Variants in SPAG17 observed in about 807,000 individuals in gnomAD.
SPAG17 encodes sperm associated antigen 17.
SPAG17 carries 169 observed loss-of-function variants against 273.6 expected under a neutral mutation model. The observed-to-expected ratio is 0.62, with a 90% CI of 0.55 to 0.70. The LOEUF is 0.70. Among genes scored for constraint, SPAG17 ranks in the 30% least tolerant of loss-of-function variants. SPAG17 has a pLI of 0.00. For synonymous variants in SPAG17, 825 were observed against 873.2 expected, an observed-to-expected ratio of 0.94 and a Z score of 0.97; for missense variants, 2,557 against 2,627.8, an observed-to-expected ratio of 0.97 and a Z score of 0.59.
intron 32 of SPAG17, among the ~76,000 whole-genome samples, chr1:118,000,991 G>C (rs1329297390): frequency 1.3e-5 from 2 of 152,076 alleles, no homozygotes; most frequent in Non-Finnish European, 2.9e-5. Flanking sequence ...TTTGAGATAC[G>C]TTCCATTGAT....
intron 3 of SPAG17, among the ~76,000 whole-genome samples, chr1:118,146,811 C>T (rs1163989162): frequency 6.6e-6 from 1 of 152,196 alleles, no homozygotes; most frequent in Non-Finnish European, 1.5e-5. Context: ...TCTATGCCTC[C>T]ATTTCCCCGT....
intron 10 of SPAG17, among the ~76,000 whole-genome samples, chr1:118,090,011 T>C (rs1323885895): frequency 2.0e-5 from 3 of 152,164 alleles, no homozygotes; most frequent in Admixed American, 2.0e-4. Context: ...CTGAGGTCTC[T>C]CCAGCCATGC....
chr1:118,129,698 C>T (rs1657945319), intron 3 of SPAG17, among the ~76,000 whole-genome samples: 2 of 150,572 alleles, frequency 1.3e-5, no homozygotes, highest in Middle Eastern at 3.5e-3. Flanking sequence ...TCTTCCTCTT[C>T]CCTTCTTTCT....
At chr1:118,166,456 A>C (rs1660174809) in intron 1 of SPAG17, among the ~76,000 whole-genome samples, 1 of 152,228 alleles carries the variant, frequency 6.6e-6, no homozygotes, top group African/African-American at 2.4e-5. Context: ...GGATCCCTGG[A>C]AATCATCCAT....
intron 3 of SPAG17, among the ~76,000 whole-genome samples, chr1:118,116,522 G>A (rs948676150): frequency 2.0e-5 from 3 of 152,100 alleles, no homozygotes; most frequent in African/African-American, 4.8e-5. Flanking sequence ...TGCATCTCAC[G>A]GAGCTGTGTC....
At chr1:118,139,366 A>G (rs963227815) in intron 3 of SPAG17, among the ~76,000 whole-genome samples, 1 of 152,188 alleles carries the variant, frequency 6.6e-6, no homozygotes, top group Non-Finnish European at 1.5e-5. Context: ...ATTGGCAAGA[A>G]TATAAGTTAC....
intron 5 of SPAG17, among the ~76,000 whole-genome samples, chr1:118,100,524 C>T (rs1655996490): frequency 6.6e-6 from 1 of 152,084 alleles, no homozygotes; most frequent in African/African-American, 2.4e-5. Context: ...CACAAAAGCC[C>T]ATTAAGATCA....
intron 20 of SPAG17, among the ~76,000 whole-genome samples, chr1:118,047,163 A>G (rs949466394): frequency 3.3e-5 from 5 of 152,260 alleles, no homozygotes; most frequent in African/African-American, 9.6e-5. Context: ...ATTTTTTTCA[A>G]TGCTGATCTT....
chr1:118,134,702 A>C (rs1196591755), intron 3 of SPAG17, among the ~76,000 whole-genome samples: 1 of 152,060 alleles, frequency 6.6e-6, no homozygotes, highest in Non-Finnish European at 1.5e-5. Context: ...GCCCTTTATG[A>C]TTTGTCCTTG....
intron 20 of SPAG17, among the ~76,000 whole-genome samples, chr1:118,049,715 AC>A (rs1381557864): frequency 1.3e-5 from 2 of 152,204 alleles, no homozygotes; most frequent in Non-Finnish European, 2.9e-5. Context: ...CTAATTGCCA[AC>A]ACAATCTTGA....
At chr1:118,025,031 T>A (rs12143179) in intron 27 of SPAG17, among the ~76,000 whole-genome samples, 1 of 152,320 alleles carries the variant, frequency 6.6e-6, no homozygotes, top group South Asian at 2.1e-4. Flanking sequence ...TCTTACATCA[T>A]GCAGAGAAAT....
At chr1:117,954,502 C>T in intron 48 of SPAG17, 1 of 1,361,094 alleles carries the variant, frequency 7.3e-7, no homozygotes, top group Non-Finnish European at 1.0e-6. Flanking sequence ...TTATAAAATA[C>T]AGTTACCACT....
intron 20 of SPAG17, among the ~76,000 whole-genome samples, chr1:118,048,619 C>T (rs530248752): frequency 7.9e-5 from 12 of 152,198 alleles, no homozygotes; most frequent in Middle Eastern, 6.8e-3. Context: ...AAGGATCAGC[C>T]GGGCGCAGTG....
Position 117,953,660 on chromosome 1 carries a change from A to C in SPAG17, c.*390T>G. ...TTGGCAAAAAGTTGATGAGATTTAA[A>C]GATGGGGATTATAACCTGTTTCCTT... is the stretch of plus-strand genomic sequence containing the variant. On this transcript the variant is annotated 3_prime_UTR_variant, in exon 49 of 49. Coordinates refer to ENST00000336338, the MANE Select transcript of SPAG17 (RefSeq NM_206996.4). 1.1e-6 allele frequency: 1 copy of C among 912,076 alleles called. No individual in the cohort carries two copies. The highest frequency in any genetic ancestry group is 1.7e-6 in the Non-Finnish European group (1 of 599,896). 56.5% of individuals were successfully genotyped at this position (912,076 alleles called of 1,614,324 possible). A position where few individuals can be genotyped will look rare whatever the true frequency, so the allele number is the denominator to read the frequency against.
chr1:118,021,384 C>G (rs993156193), intron 28 of SPAG17, among the ~76,000 whole-genome samples: 1 of 151,996 alleles, frequency 6.6e-6, no homozygotes, highest in African/African-American at 2.4e-5. Flanking sequence ...GTCAGTGGTT[C>G]CCAGGTGTTT....
intron 43 of SPAG17, among the ~76,000 whole-genome samples, chr1:117,979,574 G>C (rs1655533576): frequency 6.6e-6 from 1 of 152,038 alleles, no homozygotes. Flanking sequence ...TATCCTCACA[G>C]AGTGATCTTT....
At chr1:117,970,290 A>C (rs1459316755) in intron 45 of SPAG17, among the ~76,000 whole-genome samples, 174 bp from the exon 46 acceptor site, 3 of 152,232 alleles carry the variant, frequency 2.0e-5, no homozygotes, top group African/African-American at 7.2e-5. Flanking sequence ...TCTGGGGCCC[A>C]TTTCACAACT....
intron 7 of SPAG17, among the ~76,000 whole-genome samples, chr1:118,094,137 A>C (rs1032165759): frequency 6.6e-6 from 1 of 152,308 alleles, no homozygotes; most frequent in Middle Eastern, 3.4e-3. Context: ...ACTATGGTGC[A>C]CCTGGTTGCT....
In SPAG17 at chr1:118,164,319, A is replaced by C. The variant is rs150987025; in HGVS notation, c.88-12950T>G. Among the ~76,000 whole-genome samples the C allele has an allele frequency of 2.1e-3, 317 of 152,266 alleles. 3 individuals carry two copies. Among genetic ancestry groups the C allele is most frequent in the African/African-American group, 7.1e-3 (293 of 41,550 alleles). On this transcript the variant is annotated intron_variant, in intron 1 of 48. Transcript: ENST00000336338. ...CATGTCTAAAAACTGAGCTCTTCATATCTCTCCAAACCCTAACATAACAAA... is the reference window on the plus strand; with the variant it reads ...CATGTCTAAAAACTGAGCTCTTCATCTCTCTCCAAACCCTAACATAACAAA...
Sources: allele counts gnomAD v4.1 joint callset (sites outside exome capture counted in the v4.1 genomes callset), GRCh38; gene constraint gnomAD v4.1.1; transcripts MANE v1.5; gene names NCBI Gene and HGNC (gene_info 2026-07-23, HGNC 2026-07-21).